Variants in SPATA13 observed in about 807,000 individuals in gnomAD.
SPATA13 encodes the protein spermatogenesis-associated protein 13.
In SPATA13, 50 loss-of-function variants were observed where a neutral mutation model predicts 104.0. That is an observed-to-expected ratio of 0.48 (90% CI 0.38 to 0.61). The LOEUF (loss-of-function observed/expected upper bound fraction) is 0.61. SPATA13 is among the 20% of genes least tolerant of loss of function. SPATA13 has a pLI of 0.00. For synonymous variants in SPATA13, 606 were observed against 667.5 expected, an observed-to-expected ratio of 0.91 and a Z score of 1.42; for missense variants, 1,524 against 1,690.6, an observed-to-expected ratio of 0.90 and a Z score of 1.73.
chr13:24,189,953 T>TTATGTAATATATTA (rs1869504342), intron 1 of SPATA13, among the ~76,000 whole-genome samples: 1 of 18,264 alleles, frequency 5.5e-5, no homozygotes, highest in African/African-American at 9.2e-5. Context: ...ACATAATATA[T>TTATGTAATATATTA]TATATAATTA....
At chr13:23,983,341 G>A (rs1053327613) in intron 1 of SPATA13, among the ~76,000 whole-genome samples, 1 of 152,102 alleles carries the variant, frequency 6.6e-6, no homozygotes, top group African/African-American at 2.4e-5. Context: ...TGCTTATAAG[G>A]ACACCAGTCA....
chr13:24,016,826 C>T (rs1231848598), intron 2 of SPATA13, among the ~76,000 whole-genome samples: 1 of 152,266 alleles, frequency 6.6e-6, no homozygotes, highest in Non-Finnish European at 1.5e-5. Context: ...TGCACGATAA[C>T]ATGAGCCTGA....
Position 24,286,790 on chromosome 13 carries a change from C to T in SPATA13, c.2507C>T (p.Ser836Leu), listed in dbSNP as rs964443603. Reference protein sequence around the residue: ...VRLRVNQEELSENSSSTPSEE... With the variant: ...VRLRVNQEELLENSSSTPSEE... ...TTGCGAGTGAATCAGGAAGAGCTGTCGGAAAACTCCAGCAGCACCCCCAGT... is the reference window on the plus strand; with the variant it reads ...TTGCGAGTGAATCAGGAAGAGCTGTTGGAAAACTCCAGCAGCACCCCCAGT... Residue 836 changes from serine to leucine, a missense_variant, in exon 7 of 13, where the codon TCG (serine) becomes TTG (leucine). Coordinates refer to ENST00000382108, the MANE Select transcript of SPATA13 (RefSeq NM_001166271.3). The surrounding 1 kb of genome is among the most constrained non-coding windows in gnomAD (Gnocchi z 4.9). The T allele has an allele frequency of 5.0e-6, 8 of 1,613,396 alleles. No individual in the cohort carries two copies. Among genetic ancestry groups the T allele is most frequent in the South Asian group, 1.1e-5 (1 of 91,054 alleles).
intron 4 of SPATA13, among the ~76,000 whole-genome samples, chr13:24,262,854 A>G (rs1240217987): frequency 6.6e-6 from 1 of 152,228 alleles, no homozygotes; most frequent in Non-Finnish European, 1.5e-5. Flanking sequence ...CATTTAGTCT[A>G]CTTAGTAAAG....
chr13:24,089,279 A>G (rs1879838032), intron 3 of SPATA13, among the ~76,000 whole-genome samples: 1 of 152,176 alleles, frequency 6.6e-6, no homozygotes, highest in Non-Finnish European at 1.5e-5. Context: ...ATAACCCATG[A>G]GCAGTGCTAT....
At chr13:24,225,640 C>A (rs1198898280) in intron 2 of SPATA13, among the ~76,000 whole-genome samples, 1 of 152,230 alleles carries the variant, frequency 6.6e-6, no homozygotes, top group Non-Finnish European at 1.5e-5. Context: ...GGTCTAGCCC[C>A]ACCACTGCTT....
At chr13:24,015,695 C>A (rs1465857149) in intron 2 of SPATA13, among the ~76,000 whole-genome samples, 1 of 151,696 alleles carries the variant, frequency 6.6e-6, no homozygotes, top group Non-Finnish European at 1.5e-5. Context: ...GCCAGGACAC[C>A]CCCGGCCTTC....
chr13:24,239,555 C>CAGAAGGATCACTTGAACCCTGAAG (rs1872730277), intron 2 of SPATA13, among the ~76,000 whole-genome samples: 4 of 151,520 alleles, frequency 2.6e-5, no homozygotes, highest in African/African-American at 9.7e-5. Flanking sequence ...ATTAGCCAGG[C>CAGAAGGATCACTTGAACCCTGAAG]GTGGTGGTGT....
intron 2 of SPATA13, among the ~76,000 whole-genome samples, chr13:23,998,992 C>A (rs1875824759): frequency 6.8e-6 from 1 of 147,416 alleles, no homozygotes; most frequent in Non-Finnish European, 1.5e-5. Context: ...GTGGCACAGT[C>A]TCTGTTTACT....
intron 3 of SPATA13, among the ~76,000 whole-genome samples, chr13:24,081,584 G>A (rs2137778370): frequency 6.6e-6 from 1 of 152,258 alleles, no homozygotes; most frequent in South Asian, 2.1e-4. Context: ...CAAGGCAGAA[G>A]GATTGCTTGA....
At chr13:24,245,283 TAA>T (rs60387853) in intron 2 of SPATA13, among the ~76,000 whole-genome samples, 3 of 143,462 alleles carry the variant, frequency 2.1e-5, no homozygotes, top group East Asian at 2.0e-4. Flanking sequence ...AAACTTTGCT[TAA>T]AAAAAAAAAA....
chr13:24,126,282 C>T (rs1881213355), intron 3 of SPATA13, among the ~76,000 whole-genome samples: 2 of 152,110 alleles, frequency 1.3e-5, no homozygotes, highest in Non-Finnish European at 2.9e-5. Flanking sequence ...AGGTGGGGTA[C>T]AGCCTAAGGC....
At chr13:24,213,215 A>G (rs538530882) in intron 1 of SPATA13, among the ~76,000 whole-genome samples, 5 of 152,310 alleles carry the variant, frequency 3.3e-5, no homozygotes, top group African/African-American at 1.2e-4. Context: ...GAGGAGAGTC[A>G]CAGGATGCCA....
chr13:24,109,087 C>G (rs1880550739), intron 3 of SPATA13, among the ~76,000 whole-genome samples: 1 of 152,082 alleles, frequency 6.6e-6, no homozygotes, highest in Admixed American at 6.6e-5. Context: ...TTAGGTATTT[C>G]TCCTAATGCT....
chr13:24,087,416 T>C (rs912094890), intron 3 of SPATA13, among the ~76,000 whole-genome samples: 2 of 152,214 alleles, frequency 1.3e-5, no homozygotes, highest in African/African-American at 4.8e-5. Flanking sequence ...ATGTTTCCTT[T>C]TAGTCGAAGA....
intron 3 of SPATA13, among the ~76,000 whole-genome samples, chr13:24,087,240 C>A (rs1374187471): frequency 6.6e-6 from 1 of 152,152 alleles, no homozygotes; most frequent in Admixed American, 6.5e-5. Flanking sequence ...GGCCCCAAGA[C>A]AAGGGGCCTG....
chr13:24,286,641 A>G lies in SPATA13; in HGVS notation c.2482-124A>G. The G allele has an allele frequency of 1.0e-6, 1 of 956,172 alleles. No homozygotes were observed. Among genetic ancestry groups the G allele is most frequent in the Non-Finnish European group, 1.5e-6 (1 of 653,004 alleles). The allele number at this position is 956,172 out of a possible 1,614,324, so 59.2% of individuals were successfully genotyped here. ...CAGCCCTGCTGAGGCCATGAGACTC[A>G]GGCGAGGGCCAGGCTGCCTTCCTAA... is the stretch of plus-strand genomic sequence containing the variant. On this transcript the variant is annotated intron_variant, in intron 6 of 12. Coordinates refer to ENST00000382108, the MANE Select transcript of SPATA13 (RefSeq NM_001166271.3). This position sits in a 1 kb window ranked among gnomAD's most constrained non-coding sequence, Gnocchi z 4.9.
chr13:24,095,435 T>C (rs916453497), intron 3 of SPATA13, among the ~76,000 whole-genome samples: 2 of 152,006 alleles, frequency 1.3e-5, no homozygotes, highest in African/African-American at 4.8e-5. Context: ...ATAGGGGAGT[T>C]AAATTTAACG....
rs1303791370 is a variant in SPATA13 at position 24,011,108 on chromosome 13, C to A, written c.-146-6559C>A. ...CTTGGCTTTGGTTTCTCCCCAGGTC[C>A]TGACCACCTGGCCGTGGGCCCCTCC... On this transcript the variant is annotated intron_variant, in intron 2 of 14. Transcript: ENST00000424834. This position sits in a 1 kb window ranked among gnomAD's most constrained non-coding sequence, Gnocchi z 4.3. 1.3e-5 allele frequency among the ~76,000 whole-genome samples: 2 copies of A among 152,130 alleles called. No homozygotes were observed. The highest frequency in any genetic ancestry group is 2.9e-5 in the Non-Finnish European group (2 of 68,018).
Sources: allele counts gnomAD v4.1 joint callset (sites outside exome capture counted in the v4.1 genomes callset), GRCh38; gene constraint gnomAD v4.1.1; non-coding constraint Gnocchi (gnomAD v3.1); transcripts MANE v1.5; gene names NCBI Gene and HGNC (gene_info 2026-07-23, HGNC 2026-07-21).